The following CROCC2 variants were observed in gnomAD, a reference collection of about 807,000 sequenced individuals.
CROCC2 encodes the protein ciliary rootlet coiled-coil, rootletin family member 2.
Under a neutral mutation model 177.6 loss-of-function variants are expected in CROCC2, and 163 were observed. The observed-to-expected ratio is 0.92, with a 90% confidence interval of 0.81 to 1.05. The LOEUF (loss-of-function observed/expected upper bound fraction) is 1.05, where lower values mean the gene tolerates loss of function less well. CROCC2 is among the 50% of genes least tolerant of loss of function. CROCC2 has a pLI of 0.00. For synonymous variants in CROCC2, 904 were observed against 787.3 expected (o/e 1.15, Z -2.48); for missense variants, 1,929 against 1,797.8 (o/e 1.07, Z -1.32).
rs1349050399 is a variant in CROCC2 at position 240,949,896 on chromosome 2, T to C, written c.2652+194T>C. 6.6e-6 allele frequency among the ~76,000 whole-genome samples: 1 copy of C among 152,132 alleles called. No individual in the cohort carries two copies. Among genetic ancestry groups the C allele is most frequent in the Admixed American group, 6.5e-5 (1 of 15,282 alleles). Reference sequence around the variant, plus strand: ...GGGCCTTCCCCGTGGAGCCCTCATATTGGGCTTGGGTTTGTATTTGGGGCG... The same window carrying C: ...GGGCCTTCCCCGTGGAGCCCTCATACTGGGCTTGGGTTTGTATTTGGGGCG... On this transcript the variant is annotated intron_variant, in intron 17 of 31. Coordinates refer to ENST00000690015, the MANE Select transcript of CROCC2 (RefSeq NM_001351305.2). The surrounding 1 kb of genome is among the most constrained non-coding windows in gnomAD (Gnocchi z 4.5).
At chr2:240,983,718 G>A (rs751373320) in intron 28 of CROCC2, 4 of 967,208 alleles carry the variant, frequency 4.1e-6, no homozygotes, top group Non-Finnish European at 5.6e-6. Context: ...CTCAGGGTCA[G>A]GACGCCCGCA....
chr2:240,935,351 G>C lies in CROCC2; in HGVS notation c.1939-7G>C, dbSNP rs1183724052. On this transcript the variant is annotated splice_polypyrimidine_tract_variant and splice_region_variant and intron_variant, in intron 13 of 31. Transcript: ENST00000690015. ...GTGGATGCAGAGCCCCCGACACCTG[G>C]TGGCAGCTGGAGCAGGAGCGGGACC... 7.4e-7 allele frequency: 1 copy of C among 1,356,236 alleles called. No individual in the cohort carries two copies. The highest frequency in any genetic ancestry group is 2.9e-5 in the East Asian group (1 of 33,918). The allele number at this position is 1,356,236 out of a possible 1,614,324, so 84.0% of individuals were successfully genotyped here. A position where few individuals can be genotyped will look rare whatever the true frequency, so the allele number is the denominator to read the frequency against.
chr2:240,959,473 G>A (rs2059616788), intron 20 of CROCC2, 29 bp downstream of exon 20: 5 of 1,546,896 alleles, frequency 3.2e-6, no homozygotes, highest in Non-Finnish European at 4.4e-6. Context: ...GGGCTCCTGG[G>A]GATGCCAGAG....
At chr2:240,986,866 G>A (rs1189520551) in intron 28 of CROCC2, among the ~76,000 whole-genome samples, 2 of 152,160 alleles carry the variant, frequency 1.3e-5, no homozygotes, top group South Asian at 2.1e-4. Flanking sequence ...TCTGTGAAGT[G>A]GGGAAGGCAG....
At chr2:240,983,681 C>A in intron 28 of CROCC2, 2 of 1,214,472 alleles carry the variant, frequency 1.6e-6, no homozygotes, top group Non-Finnish European at 2.2e-6. Flanking sequence ...CTTCTGTGTC[C>A]TCACCTGCCG....
At chr2:240,957,607 G>C (rs1366918107) in intron 19 of CROCC2, 1 of 152,270 alleles carries the variant, frequency 6.6e-6, no homozygotes, top group Non-Finnish European at 1.5e-5. Flanking sequence ...ACTGCGCAGC[G>C]GGAGAGGGCG....
At chr2:240,947,609 T>A (rs182586999) in intron 15 of CROCC2, among the ~76,000 whole-genome samples, 1 of 152,332 alleles carries the variant, frequency 6.6e-6, no homozygotes, top group African/African-American at 2.4e-5. Context: ...GAAGCTGCCA[T>A]TGATGAGCTC....
chr2:240,942,000 C>A (rs1302842381), intron 14 of CROCC2, among the ~76,000 whole-genome samples: 2 of 152,224 alleles, frequency 1.3e-5, no homozygotes, highest in Non-Finnish European at 2.9e-5. Flanking sequence ...AATGCAGCAT[C>A]AAGGCACAGC....
At chr2:240,952,705 T>C (rs1376205242) in intron 18 of CROCC2, among the ~76,000 whole-genome samples, 1 of 151,982 alleles carries the variant, frequency 6.6e-6, no homozygotes, top group African/African-American at 2.4e-5. Context: ...GTGAGAGAGG[T>C]GTGCAGTGGA....
intron 1 of CROCC2, among the ~76,000 whole-genome samples, chr2:240,909,267 T>TGAGCTCTACCTCCTCCACCA (rs1559585640): frequency 2.9e-5 from 4 of 139,150 alleles, no homozygotes; most frequent in African/African-American, 9.0e-5. Flanking sequence ...CTCCTCCACC[T>TGAGCTCTACCTCCTCCACCA]CGGGTGAGCT....
chr2:240,910,943 C>T (rs1006605427), intron 1 of CROCC2, among the ~76,000 whole-genome samples: 4 of 152,052 alleles, frequency 2.6e-5, no homozygotes, highest in East Asian at 3.9e-4. Flanking sequence ...CCAGCCTGGC[C>T]AACATGGTGA....
At chr2:240,969,074 C>T (rs74001730) in intron 27 of CROCC2, among the ~76,000 whole-genome samples, 1,980 of 152,340 alleles carry the variant, frequency 0.013, 39 homozygotes, top group African/African-American at 0.044. Flanking sequence ...TGCCCCCAGG[C>T]GTCCCTCAAC....
chr2:240,925,372 G>A (rs562531504), intron 4 of CROCC2, among the ~76,000 whole-genome samples: 7 of 152,228 alleles, frequency 4.6e-5, no homozygotes, highest in South Asian at 2.1e-4. Context: ...ACCCCGCCCC[G>A]CGAAAGGCAC....
At chr2:240,914,707 G>T (rs146036610) in intron 1 of CROCC2, among the ~76,000 whole-genome samples, 28 of 152,320 alleles carry the variant, frequency 1.8e-4, no homozygotes, top group Non-Finnish European at 3.2e-4. Context: ...CCTGCTGGTG[G>T]GTGGGCGGGG....
In CROCC2 at chr2:240,973,199, G is replaced by T. The variant is rs1005463276; in HGVS notation, c.4401+4937G>T. On this transcript the variant is annotated intron_variant, in intron 27 of 31. Transcript: ENST00000690015. This position sits in a 1 kb window ranked among gnomAD's most constrained non-coding sequence, Gnocchi z 4.7. The stretch of plus-strand genomic sequence containing the variant: ...TAAAAACATATTTTTCTAATTAAAT[G>T]GTAGGCTGTGCTATGCAAACAGTAA... Among the ~76,000 whole-genome samples, 1 of 152,204 alleles carries T rather than the reference G, an allele frequency of 6.6e-6. No homozygotes were observed. The highest frequency in any genetic ancestry group is 2.4e-5 in the African/African-American group (1 of 41,436).
chr2:240,909,352 T>G (rs975640093), intron 1 of CROCC2, among the ~76,000 whole-genome samples: 8 of 151,708 alleles, frequency 5.3e-5, no homozygotes, highest in Non-Finnish European at 2.9e-5. Flanking sequence ...TGGGGTGAGC[T>G]CTACCTCCTC....
At chr2:240,991,881 C>T (rs553719028) in intron 31 of CROCC2, among the ~76,000 whole-genome samples, 1 of 152,340 alleles carries the variant, frequency 6.6e-6, no homozygotes, top group East Asian at 1.9e-4. Flanking sequence ...CCTGCAAGGC[C>T]AGCCACCACA....
intron 2 of CROCC2, among the ~76,000 whole-genome samples, chr2:240,919,586 T>A (rs1336321795): frequency 1.3e-5 from 2 of 152,086 alleles, no homozygotes; most frequent in Non-Finnish European, 2.9e-5. Context: ...TGGCTGTGTG[T>A]GTATTTACAA....
intron 20 of CROCC2, among the ~76,000 whole-genome samples, chr2:240,963,057 GGGGTCACTGGGCCA>G (rs1559607157): frequency 2.6e-5 from 4 of 152,282 alleles, no homozygotes; most frequent in South Asian, 4.1e-4. Context: ...TCACTGTGCC[GGGGTCACTGGGCCA>G]GGGTCACTGT....
Sources: gnomAD v4.1 joint callset for allele counts (sites outside exome capture counted in the v4.1 genomes callset) on GRCh38, gnomAD v4.1.1 for gene constraint, Gnocchi (gnomAD v3.1) non-coding constraint, MANE v1.5 for transcripts, NCBI Gene and HGNC (gene_info 2026-07-23, HGNC 2026-07-21) for gene names.